The following ARHGAP15 variants were observed in gnomAD, a reference collection of about 807,000 sequenced individuals.
ARHGAP15 encodes rho GTPase-activating protein 15.
In ARHGAP15, 51 loss-of-function variants were observed where a neutral mutation model predicts 63.7. That is an observed-to-expected ratio of 0.80 (90% CI 0.64 to 1.01). The LOEUF is 1.01. ARHGAP15 is among the 50% of genes least tolerant of loss of function. The pLI is 0.00. For synonymous variants in ARHGAP15, 191 were observed against 193.8 expected (o/e 0.99, Z 0.12); for missense variants, 560 against 564.6 (o/e 0.99, Z 0.08).
intron 6 of ARHGAP15, among the ~76,000 whole-genome samples, chr2:143,305,758 T>C (rs578257786): frequency 1.3e-5 from 2 of 152,152 alleles, no homozygotes; most frequent in Admixed American, 6.6e-5. Context: ...TTGGAAAAAA[T>C]AAATCTCTAA....
chr2:143,580,402 G>C (rs1002686101), intron 11 of ARHGAP15, among the ~76,000 whole-genome samples: 2 of 152,038 alleles, frequency 1.3e-5, no homozygotes, highest in Non-Finnish European at 2.9e-5. Flanking sequence ...CGCCCAACAC[G>C]AATCTTATGC....
chr2:143,261,057 T>C (rs1048676817), intron 6 of ARHGAP15, among the ~76,000 whole-genome samples: 14 of 152,180 alleles, frequency 9.2e-5, no homozygotes, highest in African/African-American at 3.4e-4. Context: ...ATAGTAAACC[T>C]TGTAGCTATG....
intron 6 of ARHGAP15, among the ~76,000 whole-genome samples, chr2:143,355,524 A>G (rs537129668): frequency 6.6e-6 from 1 of 152,300 alleles, no homozygotes; most frequent in East Asian, 1.9e-4. Context: ...TACAGCTAGT[A>G]ATCTTGTCCA....
At chr2:143,676,994 T>G (rs1324955500) in intron 12 of ARHGAP15, among the ~76,000 whole-genome samples, 1 of 152,258 alleles carries the variant, frequency 6.6e-6, no homozygotes, top group Non-Finnish European at 1.5e-5. Context: ...ATTTGTGCAT[T>G]TCAGTGTCTG....
intron 12 of ARHGAP15, among the ~76,000 whole-genome samples, chr2:143,659,719 C>A (rs2105319001): frequency 6.6e-6 from 1 of 152,186 alleles, no homozygotes; most frequent in African/African-American, 2.4e-5. Context: ...GTAATACAGG[C>A]CCTTTTAAAA....
At chr2:143,598,593 T>C (rs905361619) in intron 11 of ARHGAP15, among the ~76,000 whole-genome samples, 2 of 152,118 alleles carry the variant, frequency 1.3e-5, no homozygotes, top group African/African-American at 4.8e-5. Flanking sequence ...TGGCCTGATC[T>C]ACTGCAGCAA....
chr2:143,575,365 A>G lies in ARHGAP15; in HGVS notation c.1003+18880A>G, dbSNP rs147577058. 2.1e-3 allele frequency among the ~76,000 whole-genome samples: 327 copies of G among 152,288 alleles called. 1 individual carries two copies. Among genetic ancestry groups the G allele is most frequent in the African/African-American group, 7.0e-3 (293 of 41,562 alleles). The stretch of plus-strand genomic sequence containing the variant: ...TAGACAGAGCTGAGACTGGTGCAAT[A>G]ATGAAACGTCCAGCTGTCCTTTAAT... On this transcript the variant is annotated intron_variant, in intron 11 of 13. Coordinates refer to ENST00000295095, the MANE Select transcript of ARHGAP15 (RefSeq NM_018460.4).
In ARHGAP15 at chr2:143,267,714, T is replaced by C. The variant is rs76268276; in HGVS notation, c.474+17114T>C. Among the ~76,000 whole-genome samples the C allele has an allele frequency of 1.3e-4, 20 of 152,308 alleles. No homozygotes were observed. The East Asian group carries it at 3.9e-3, about 29-fold the overall frequency. On this transcript the variant is annotated intron_variant, in intron 6 of 13. Transcript: ENST00000295095. The stretch of plus-strand genomic sequence containing the variant: ...TCTATTCACAGATATTTGTATACCA[T>C]TTTTAAAGATATAAAGTGCATACAT...
In ARHGAP15 at chr2:143,225,705, TTAAATC is replaced by T. The variant is rs146594041; in HGVS notation, c.297-2872_297-2867del. 8.6e-3 allele frequency among the ~76,000 whole-genome samples: 1,311 copies of T among 152,284 alleles called. 19 individuals are homozygous for T. Among genetic ancestry groups the T allele is most frequent in the African/African-American group, 0.03 (1,243 of 41,560 alleles). ...GGAGCTAGAGAAACTGGGTTTAACT[TTAAATC>T]TAAGTGTAAGGCCTTAAGTTACCCT... On this transcript the variant is annotated intron_variant, in intron 4 of 13. Transcript: ENST00000295095.
intron 1 of ARHGAP15, among the ~76,000 whole-genome samples, chr2:143,133,858 A>G (rs2104978996): frequency 6.6e-6 from 1 of 152,242 alleles, no homozygotes; most frequent in East Asian, 1.9e-4. Context: ...ATATATGCAC[A>G]TCTATGTGTG....
At position 143,253,307 on chromosome 2, in the gene ARHGAP15, T is replaced by C. The variant is rs1680256362; in HGVS notation, c.474+2707T>C. Among the ~76,000 whole-genome samples the C allele has an allele frequency of 2.0e-5, 3 of 152,088 alleles. No individual in the cohort carries two copies. The South Asian group carries it at 6.2e-4, about 32-fold the overall frequency. On this transcript the variant is annotated intron_variant, in intron 6 of 13. Transcript: ENST00000295095. ...ATAGGAAAACAAACAAAAAATTGTA[T>C]GTGCCTGAGAAATGTTGCAAGTCTC...
chr2:143,527,768 G>A (rs1045455768), intron 10 of ARHGAP15, among the ~76,000 whole-genome samples: 2 of 152,042 alleles, frequency 1.3e-5, no homozygotes, highest in African/African-American at 4.8e-5. Flanking sequence ...TGAATTCTCA[G>A]TAAATGGTGT....
chr2:143,322,746 AG>A (rs1255474675), intron 6 of ARHGAP15, among the ~76,000 whole-genome samples: 1 of 152,188 alleles, frequency 6.6e-6, no homozygotes, highest in Non-Finnish European at 1.5e-5. Context: ...TTCCCGTCTG[AG>A]TTGCATGATG....
intron 10 of ARHGAP15, among the ~76,000 whole-genome samples, chr2:143,550,845 A>C (rs907251688): frequency 5.9e-5 from 9 of 152,238 alleles, no homozygotes; most frequent in Non-Finnish European, 1.2e-4. Flanking sequence ...GTTATAAAAA[A>C]CAAAATGTCC....
intron 11 of ARHGAP15, among the ~76,000 whole-genome samples, chr2:143,623,626 A>G (rs1264833192): frequency 1.3e-5 from 2 of 152,226 alleles, no homozygotes; most frequent in African/African-American, 4.8e-5. Flanking sequence ...TCAGGCAAAA[A>G]AAGGGAAAAA....
At chr2:143,235,997 G>C (rs1693627673) in intron 5 of ARHGAP15, 1 of 1,538,984 alleles carries the variant, frequency 6.5e-7, no homozygotes, top group African/African-American at 1.4e-5. Context: ...ATGGGATTTG[G>C]CAAATCTCCA....
chr2:143,372,955 T>G (rs1401818778), intron 6 of ARHGAP15, among the ~76,000 whole-genome samples: 2 of 147,638 alleles, frequency 1.4e-5, no homozygotes, highest in African/African-American at 5.1e-5. Flanking sequence ...AAAAAGAGAT[T>G]AATAAATGTT....
At chr2:143,271,140 C>G (rs1681259405) in intron 6 of ARHGAP15, among the ~76,000 whole-genome samples, 1 of 152,152 alleles carries the variant, frequency 6.6e-6, no homozygotes, top group Admixed American at 6.5e-5. Flanking sequence ...TAATTATGCT[C>G]TTTTCTTTCT....
intron 2 of ARHGAP15, among the ~76,000 whole-genome samples, chr2:143,184,934 T>TG (rs1691383243): frequency 1.3e-5 from 2 of 151,822 alleles, no homozygotes; most frequent in Admixed American, 1.3e-4. Flanking sequence ...CTTCCCTCGT[T>TG]GGTTTCCCAA....
Sources: allele counts gnomAD v4.1 joint callset (sites outside exome capture counted in the v4.1 genomes callset), GRCh38; gene constraint gnomAD v4.1.1; transcripts MANE v1.5; gene names NCBI Gene and HGNC (gene_info 2026-07-23, HGNC 2026-07-21).